Variants in SLCO5A1 observed in about 807,000 individuals in gnomAD.
The protein encoded by SLCO5A1 is solute carrier organic anion transporter family member 5A1.
A neutral mutation model predicts 65.1 loss-of-function variants in SLCO5A1; 39 were observed. That is an observed-to-expected ratio of 0.60 (90% CI 0.46 to 0.78). The LOEUF is 0.78. SLCO5A1 is among the 30% of genes least tolerant of loss of function. SLCO5A1 has a pLI of 0.00. For missense variants in SLCO5A1, 1,029 were observed against 1,069.4 expected (o/e 0.96, Z 0.53); for synonymous variants, 438 against 415.7 (o/e 1.05, Z -0.65).
In SLCO5A1 at chr8:69,670,307, C is replaced by G. The variant is rs1323444367; in HGVS notation, c.*2562G>C. 6.6e-6 allele frequency: 1 copy of G among 152,118 alleles called. No homozygotes were observed. The highest frequency in any genetic ancestry group is 2.4e-5 in the African/African-American group (1 of 41,416). The allele number at this position is 152,118 out of a possible 1,614,324, so 9.4% of individuals were successfully genotyped here. A position where few individuals can be genotyped will look rare whatever the true frequency, so the allele number is the denominator to read the frequency against. Reference sequence around the variant, plus strand: ...AATTTATTAAGAAACATATAAGACCCTATATATACAATTAAATGGTATCAT... The same window carrying G: ...AATTTATTAAGAAACATATAAGACCGTATATATACAATTAAATGGTATCAT... On this transcript the variant is annotated 3_prime_UTR_variant, in exon 10 of 10. Coordinates refer to ENST00000260126, the MANE Select transcript of SLCO5A1 (RefSeq NM_030958.3).
chr8:69,699,528 C>G (rs1351787593), intron 6 of SLCO5A1, among the ~76,000 whole-genome samples: 1 of 151,276 alleles, frequency 6.6e-6, no homozygotes, highest in East Asian at 1.9e-4. Context: ...ACAGCGAGAC[C>G]CACCAGATGA....
intron 2 of SLCO5A1, among the ~76,000 whole-genome samples, chr8:69,772,605 A>G (rs1586783343): frequency 6.9e-6 from 1 of 145,218 alleles, no homozygotes; most frequent in Non-Finnish European, 1.5e-5. Flanking sequence ...AAAGGAAAGG[A>G]AAGGAAAGGA....
intron 7 of SLCO5A1, among the ~76,000 whole-genome samples, chr8:69,681,525 G>A (rs1362200233): frequency 6.6e-6 from 1 of 152,128 alleles, no homozygotes; most frequent in Non-Finnish European, 1.5e-5. Context: ...CCTGGGAGGC[G>A]GAGGTTGAGG....
chr8:69,815,928 A>G (rs978733523), intron 2 of SLCO5A1, among the ~76,000 whole-genome samples: 4 of 152,174 alleles, frequency 2.6e-5, no homozygotes, highest in African/African-American at 9.7e-5. Context: ...CTGAGCAACA[A>G]TGTAGCAATG....
intron 2 of SLCO5A1, among the ~76,000 whole-genome samples, chr8:69,829,496 G>A (rs1306111248): frequency 6.6e-6 from 1 of 152,140 alleles, no homozygotes; most frequent in African/African-American, 2.4e-5. Context: ...TATTAGCCTG[G>A]GAAACATGAT....
intron 2 of SLCO5A1, among the ~76,000 whole-genome samples, chr8:69,797,651 G>A (rs370320140): frequency 4.6e-4 from 70 of 152,296 alleles, no homozygotes; most frequent in African/African-American, 1.6e-3. Context: ...TTTTATGGTC[G>A]AAGCTGTAGG....
intron 2 of SLCO5A1, among the ~76,000 whole-genome samples, chr8:69,796,564 C>T (rs1425390048): frequency 1.3e-5 from 2 of 151,854 alleles, no homozygotes; most frequent in Non-Finnish European, 2.9e-5. Flanking sequence ...CTACAGTGAG[C>T]CATGATCATG....
At chr8:69,736,931 G>A (rs556638007) in intron 5 of SLCO5A1, among the ~76,000 whole-genome samples, 2 of 152,178 alleles carry the variant, frequency 1.3e-5, no homozygotes, top group South Asian at 4.1e-4. Flanking sequence ...ACAAGTAGAA[G>A]GTTTAGATTT....
chr8:69,782,439 G>A (rs913897786), intron 2 of SLCO5A1, among the ~76,000 whole-genome samples: 11 of 151,782 alleles, frequency 7.2e-5, no homozygotes, highest in Admixed American at 6.6e-5. Context: ...AATTAGCCAG[G>A]TGTGGTGGCA....
chr8:69,794,304 G>A, intron 2 of SLCO5A1: 1 of 464,896 alleles, frequency 2.2e-6, no homozygotes, highest in South Asian at 1.7e-5. Context: ...GGTTAATGTA[G>A]CAAAAGTAGA....
At chr8:69,693,078 A>G (rs1814344500) in intron 6 of SLCO5A1, among the ~76,000 whole-genome samples, 1 of 152,204 alleles carries the variant, frequency 6.6e-6, no homozygotes, top group African/African-American at 2.4e-5. Flanking sequence ...CCTTATGACT[A>G]CAATATCATT....
At chr8:69,753,490 T>C (rs1385365433) in intron 4 of SLCO5A1, among the ~76,000 whole-genome samples, 2 of 152,174 alleles carry the variant, frequency 1.3e-5, no homozygotes, top group African/African-American at 2.4e-5. Context: ...GACAGGGCAT[T>C]GATAGCATTG....
chr8:69,708,560 CAAA>C (rs55950736), intron 5 of SLCO5A1, among the ~76,000 whole-genome samples: 31,612 of 144,414 alleles, frequency 0.22, 3,464 homozygotes, highest in Non-Finnish European at 0.25. Context: ...GACACTGTTT[CAAA>C]AAAAAAAAAA....
chr8:69,755,541 T>G lies in SLCO5A1; in HGVS notation c.1141A>C (p.Lys381Gln). 6.2e-7 allele frequency: 1 copy of G among 1,614,138 alleles called. No homozygotes were observed. The change falls in exon 4 of 10, where the codon AAG becomes CAG. Residue 381 changes from lysine (K) to glutamine (Q), a missense_variant. This residue lies in a region of SLCO5A1 where 647 missense variants were observed against 647.5 expected (regional missense o/e 1.00). Coordinates refer to ENST00000260126, the MANE Select transcript of SLCO5A1 (RefSeq NM_030958.3). ...KLPPRHKKKK[K>Q]KKFSVDAVSD... ...ACAGCATCAACAGAAAATTTTTTCT[T>G]TTTCTTTTTCTTGTGTCGAGGTGGA...
At chr8:69,822,388 A>T (rs939463402) in intron 2 of SLCO5A1, among the ~76,000 whole-genome samples, 1 of 152,214 alleles carries the variant, frequency 6.6e-6, no homozygotes, top group South Asian at 2.1e-4. Flanking sequence ...GGCATGGAGA[A>T]AGTTCTCATG....
At chr8:69,776,092 C>T (rs569243543) in intron 2 of SLCO5A1, among the ~76,000 whole-genome samples, 2 of 146,718 alleles carry the variant, frequency 1.4e-5, no homozygotes, top group South Asian at 4.2e-4. Context: ...ACTGAAATAA[C>T]ACTCAGTGCA....
At chr8:69,751,547 CTT>C (rs762744953) in intron 4 of SLCO5A1, among the ~76,000 whole-genome samples, 7 of 141,200 alleles carry the variant, frequency 5.0e-5, no homozygotes, top group Non-Finnish European at 7.8e-5. Flanking sequence ...AAATAATTTT[CTT>C]TTTTTTTTTT....
rs1817504767 is a variant in SLCO5A1 at position 69,755,533 on chromosome 8, TTTTTTC to T, written c.1143_1148del (p.Lys382_Lys383del). 1 of 1,614,052 alleles carries T rather than the reference TTTTTTC, an allele frequency of 6.2e-7. No homozygotes were observed. The highest frequency in any genetic ancestry group is 1.7e-5 in the Admixed American group (1 of 60,004). ...CATCACTAACAGCATCAACAGAAAA[TTTTTTC>T]TTTTTCTTTTTCTTGTGTCGAGGTG... On this transcript the variant is annotated inframe_deletion, in exon 4 of 10. Transcript: ENST00000260126.
intron 2 of SLCO5A1, among the ~76,000 whole-genome samples, chr8:69,821,495 AAAG>A (rs938241471): frequency 5.3e-5 from 8 of 152,038 alleles, no homozygotes; most frequent in Non-Finnish European, 8.8e-5. Context: ...AAGAAGAAGA[AAAG>A]AAGAAGAAGA....
Sources: allele counts gnomAD v4.1 joint callset (sites outside exome capture counted in the v4.1 genomes callset), GRCh38; gene constraint gnomAD v4.1.1; regional missense constraint gnomAD v4.1.1; transcripts MANE v1.5; gene names NCBI Gene and HGNC (gene_info 2026-07-23, HGNC 2026-07-21).